Variants in FARP1 observed in about 807,000 individuals in gnomAD.
The protein encoded by FARP1 is FERM, ARHGEF and pleckstrin domain-containing protein 1.
FARP1 carries 52 observed loss-of-function variants against 128.8 expected under a neutral mutation model. The observed-to-expected ratio is 0.40, with a 90% CI of 0.32 to 0.51. FARP1 has a LOEUF of 0.51. FARP1 is among the 20% of genes least tolerant of loss of function. FARP1 has a pLI of 0.45. For synonymous variants in FARP1, 580 were observed against 551.8 expected (o/e 1.05, Z -0.72); for missense variants, 1,333 against 1,367.9 (o/e 0.97, Z 0.40).
intron 24 of FARP1, 141 bp from the exon 25 acceptor site, chr13:98,445,957 C>T (rs1892806706): frequency 1.7e-6 from 1 of 604,706 alleles, no homozygotes; most frequent in Admixed American, 3.0e-5. Context: ...TCTCCCCACA[C>T]ACGGGGGAGC....
intron 5 of FARP1, among the ~76,000 whole-genome samples, chr13:98,375,652 G>A (rs1344853384): frequency 6.6e-6 from 1 of 152,026 alleles, no homozygotes; most frequent in Non-Finnish European, 1.5e-5. Context: ...TTTTGAGACG[G>A]AGTTTCGCTC....
intron 4 of FARP1, among the ~76,000 whole-genome samples, chr13:98,367,133 AGATGATGATGATGAT>A (rs111823714): frequency 4.2e-4 from 62 of 148,704 alleles, no homozygotes; most frequent in African/African-American, 1.5e-3. Flanking sequence ...TGCAAATCAC[AGATGATGATGATGAT>A]GATGATGATG....
chr13:98,383,814 GT>G (rs1436145015), intron 6 of FARP1: 2 of 152,120 alleles, frequency 1.3e-5, no homozygotes, highest in African/African-American at 4.8e-5. Flanking sequence ...CTGTCTTGAG[GT>G]TATGTGAGAA....
At position 98,373,595 on chromosome 13, in the gene FARP1, C is replaced by G. The variant is rs79060474; in HGVS notation, c.399-4226C>G. Among the ~76,000 whole-genome samples the G allele has an allele frequency of 7.4e-3, 1,057 of 143,436 alleles. 15 individuals are homozygous for G. The highest frequency in any genetic ancestry group is 0.025 in the African/African-American group (960 of 38,886). 94.1% of individuals were successfully genotyped at this position (143,436 alleles called of 152,430 possible). On this transcript the variant is annotated intron_variant, in intron 5 of 26. Transcript: ENST00000319562. ...ACACACACACACAGAAAGGGGGTTG[C>G]GGGGAGAGACAGAAGGGTAGAGCAA...
intron 16 of FARP1, among the ~76,000 whole-genome samples, chr13:98,418,509 A>T (rs1891474509): frequency 6.6e-6 from 1 of 152,154 alleles, no homozygotes; most frequent in South Asian, 2.1e-4. Context: ...TCCTGACCTC[A>T]AGTGATCCAC....
rs1432988550 is a variant in FARP1, at chr13:98,449,123, A to G, written c.*806A>G. 6.6e-6 allele frequency: 1 copy of G among 152,248 alleles called. No individual in the cohort carries two copies. The highest frequency in any genetic ancestry group is 1.5e-5 in the Non-Finnish European group (1 of 68,052). The allele number at this position is 152,248 out of a possible 1,614,324, so 9.4% of individuals were successfully genotyped here. On this transcript the variant is annotated 3_prime_UTR_variant, in exon 27 of 27. Coordinates refer to ENST00000319562, the MANE Select transcript of FARP1 (RefSeq NM_005766.4). ...TGTTTTGCTGTCTGTCTGTGTCACA[A>G]GCATGAAAACCCGTGTGTCATTGAT...
chr13:98,219,531 AG>A (rs1881290754), intron 2 of FARP1, among the ~76,000 whole-genome samples: 1 of 152,008 alleles, frequency 6.6e-6, no homozygotes, highest in East Asian at 1.9e-4. Context: ...TGTAGAGATG[AG>A]GTCTTGCTAT....
chr13:98,446,161 G>A lies in FARP1; in HGVS notation c.2860G>A (p.Val954Met). 1 of 1,614,030 alleles carries A rather than the reference G, an allele frequency of 6.2e-7. No homozygotes were observed. Among genetic ancestry groups the A allele is most frequent in the Non-Finnish European group, 8.5e-7 (1 of 1,179,882 alleles). The stretch of plus-strand genomic sequence containing the variant: ...CAGCAACGGGTGGCAGAAGCTGTGG[G>A]TGGTGTTCACAAACTTCTGCCTGTT... ...KNSNGWQKLW[V>M]VFTNFCLFFY... The change falls in exon 25 of 27, where the codon GTG (valine) becomes ATG (methionine). Residue 954 changes from valine (V) to methionine (M), a missense_variant. Physicochemically the swap from Val to Met is conservative, Grantham distance 21 (BLOSUM62 1). This residue lies in a region of FARP1 where 1,009 missense variants were observed against 969.8 expected (regional missense o/e 1.04). Coordinates refer to ENST00000319562, the MANE Select transcript of FARP1 (RefSeq NM_005766.4).
At chr13:98,381,169 C>T (rs530885957) in intron 6 of FARP1, among the ~76,000 whole-genome samples, 6 of 152,238 alleles carry the variant, frequency 3.9e-5, no homozygotes, top group African/African-American at 1.2e-4. Flanking sequence ...TAAAATCTTC[C>T]GATATGTGTA....
chr13:98,148,972 A>T (rs1225156293), intron 1 of FARP1, among the ~76,000 whole-genome samples: 1 of 151,458 alleles, frequency 6.6e-6, no homozygotes, highest in Admixed American at 6.6e-5. Context: ...CTGCAGCCTC[A>T]ACTTCCTGGG....
intron 13 of FARP1, among the ~76,000 whole-genome samples, chr13:98,409,018 G>T (rs1299036202): frequency 6.6e-6 from 1 of 152,036 alleles, no homozygotes; most frequent in East Asian, 1.9e-4. Flanking sequence ...GTAATTCTTA[G>T]AAGTAAGCAG....
intron 3 of FARP1, chr13:98,345,606 TTAAA>T (rs755567840): frequency 3.3e-5 from 5 of 152,244 alleles, no homozygotes; most frequent in Admixed American, 2.0e-4. Flanking sequence ...CGTTGATGAC[TTAAA>T]TAAGTAAGTG....
At position 98,448,366 on chromosome 13, in the gene FARP1, T is replaced by G. The variant is rs72652248; in HGVS notation, c.*49T>G. 7.1e-7 allele frequency: 1 copy of G among 1,400,398 alleles called. No individual in the cohort carries two copies. Among genetic ancestry groups the G allele is most frequent in the Admixed American group, 1.7e-5 (1 of 59,614 alleles). The allele number at this position is 1,400,398 out of a possible 1,614,324, so 86.7% of individuals were successfully genotyped here. A position where few individuals can be genotyped will look rare whatever the true frequency, so the allele number is the denominator to read the frequency against. On this transcript the variant is annotated 3_prime_UTR_variant, in exon 27 of 27. Transcript: ENST00000319562. ...AGTGGCTGCTTTCCTGGAAGACGTTTCCTTTCTTCTGTATTAATGAAGCCT... is the reference window on the plus strand; with the variant it reads ...AGTGGCTGCTTTCCTGGAAGACGTTGCCTTTCTTCTGTATTAATGAAGCCT...
At chr13:98,251,222 AGTG>A (rs1883306647) in intron 2 of FARP1, among the ~76,000 whole-genome samples, 1 of 152,234 alleles carries the variant, frequency 6.6e-6, no homozygotes, top group Non-Finnish European at 1.5e-5. Flanking sequence ...CAAAGAAAGA[AGTG>A]AGGCTCAAAC....
In FARP1 at chr13:98,313,219, C is replaced by T. The variant is rs369910439; in HGVS notation, c.172-30543C>T. Among the ~76,000 whole-genome samples the T allele has an allele frequency of 6.2e-4, 89 of 142,552 alleles. No homozygotes were observed. In the South Asian group the frequency reaches 0.014, roughly 22 times the overall value. 93.5% of individuals were successfully genotyped at this position (142,552 alleles called of 152,430 possible). On this transcript the variant is annotated intron_variant, in intron 2 of 26. Coordinates refer to ENST00000319562, the MANE Select transcript of FARP1 (RefSeq NM_005766.4). ...GTCATAATACACACACACACATACACTCTGGAATCGGGTGGGTCATAATAC... is the reference window on the plus strand; with the variant it reads ...GTCATAATACACACACACACATACATTCTGGAATCGGGTGGGTCATAATAC...
At chr13:98,167,446 G>C (rs1301593720) in intron 1 of FARP1, among the ~76,000 whole-genome samples, 2 of 131,408 alleles carry the variant, frequency 1.5e-5, no homozygotes, top group African/African-American at 5.7e-5. Context: ...CTCTCACTCT[G>C]TCACCCAGGC....
At chr13:98,189,209 A>G (rs1312809222) in intron 1 of FARP1, among the ~76,000 whole-genome samples, 1 of 151,790 alleles carries the variant, frequency 6.6e-6, no homozygotes, top group Non-Finnish European at 1.5e-5. Flanking sequence ...CAGGGCTTCA[A>G]GTAGATCAGG....
At chr13:98,392,834 G>GTTT (rs11414488) in intron 11 of FARP1, among the ~76,000 whole-genome samples, 189 of 149,324 alleles carry the variant, frequency 1.3e-3, no homozygotes, top group African/African-American at 4.5e-3. Context: ...TTTTCAGGAG[G>GTTT]TTTTTTTTTT....
At chr13:98,308,907 G>A (rs1886313403) in intron 2 of FARP1, among the ~76,000 whole-genome samples, 2 of 151,938 alleles carry the variant, frequency 1.3e-5, no homozygotes, top group South Asian at 4.1e-4. Context: ...TGAACTCCTG[G>A]GCTCAAGTGA....
Sources: allele counts gnomAD v4.1 joint callset (sites outside exome capture counted in the v4.1 genomes callset), GRCh38; gene constraint gnomAD v4.1.1; regional missense constraint gnomAD v4.1.1; transcripts MANE v1.5; gene names NCBI Gene and HGNC (gene_info 2026-07-23, HGNC 2026-07-21).